The following CHCHD3 variants were observed in gnomAD, a reference collection of about 807,000 sequenced individuals.
CHCHD3 encodes MICOS complex subunit MIC19.
Under a neutral mutation model 38.2 loss-of-function variants are expected in CHCHD3, and 20 were observed. That is an observed-to-expected ratio of 0.52 (90% CI 0.37 to 0.76). The LOEUF is 0.76. Among genes scored for constraint, CHCHD3 ranks in the 30% least tolerant of loss-of-function variants. The probability of loss-of-function intolerance (pLI) is 0.00; values close to 1 mark genes in which losing one functional copy is unlikely to be tolerated. For synonymous variants in CHCHD3, 82 were observed against 100.0 expected (o/e 0.82, Z 1.07); for missense variants, 245 against 279.2 (o/e 0.88, Z 0.87).
At chr7:133,031,911 A>T (rs913739481) in intron 2 of CHCHD3, among the ~76,000 whole-genome samples, 4 of 152,214 alleles carry the variant, frequency 2.6e-5, no homozygotes, top group Non-Finnish European at 4.4e-5. Flanking sequence ...CATTAATCTT[A>T]TAATTTCAAT....
intron 3 of CHCHD3, among the ~76,000 whole-genome samples, chr7:133,018,177 T>C (rs959472028): frequency 6.6e-6 from 1 of 152,198 alleles, no homozygotes; most frequent in African/African-American, 2.4e-5. Flanking sequence ...ATCTCTTAAA[T>C]GTTGGAGTAT....
At chr7:133,072,825 CA>C (rs34614646) in intron 1 of CHCHD3, among the ~76,000 whole-genome samples, 218 of 122,984 alleles carry the variant, frequency 1.8e-3, no homozygotes, top group African/African-American at 3.7e-3. Flanking sequence ...GACTCCGTCT[CA>C]AAAAAAAAAA....
At chr7:133,046,756 G>C (rs941001204) in intron 2 of CHCHD3, among the ~76,000 whole-genome samples, 1 of 152,106 alleles carries the variant, frequency 6.6e-6, no homozygotes, top group South Asian at 2.1e-4. Flanking sequence ...GTAGAGACAG[G>C]GTTTCACCGT....
At chr7:132,858,228 G>A (rs982932439) in intron 5 of CHCHD3, among the ~76,000 whole-genome samples, 2 of 151,834 alleles carry the variant, frequency 1.3e-5, no homozygotes, top group African/African-American at 2.4e-5. Context: ...ACGCCTGGCT[G>A]ATTTTTGAAT....
At chr7:132,907,308 G>A (rs1351558319) in intron 4 of CHCHD3, among the ~76,000 whole-genome samples, 4 of 152,148 alleles carry the variant, frequency 2.6e-5, no homozygotes, top group African/African-American at 7.2e-5. Context: ...CAGATGCCAC[G>A]TTTTTCAGGA....
At chr7:132,860,310 G>A (rs1357854867) in intron 5 of CHCHD3, among the ~76,000 whole-genome samples, 3 of 94,034 alleles carry the variant, frequency 3.2e-5, no homozygotes, top group African/African-American at 1.5e-4. Flanking sequence ...GATAGAGAGA[G>A]AGAGAAAGAG....
chr7:133,070,296 T>C, intron 1 of CHCHD3, 67 bp from the exon 2 acceptor site: 4 of 1,319,742 alleles, frequency 3.0e-6, no homozygotes, highest in Non-Finnish European at 4.3e-6. Flanking sequence ...TGCAATAACA[T>C]CCAAGTAATT....
intron 6 of CHCHD3, among the ~76,000 whole-genome samples, chr7:132,798,725 T>C (rs1806686170): frequency 6.6e-6 from 1 of 152,072 alleles, no homozygotes; most frequent in African/African-American, 2.4e-5. Flanking sequence ...GGGAAAAGAC[T>C]GTAAAAATGA....
intron 6 of CHCHD3, among the ~76,000 whole-genome samples, chr7:132,807,792 CTT>C (rs1162767880): frequency 2.0e-5 from 3 of 151,446 alleles, no homozygotes; most frequent in Admixed American, 6.6e-5. Flanking sequence ...AGGAGATTGA[CTT>C]TTGCATATAA....
chr7:132,962,317 C>T (rs536832153), intron 4 of CHCHD3, among the ~76,000 whole-genome samples: 1 of 152,174 alleles, frequency 6.6e-6, no homozygotes, highest in South Asian at 2.1e-4. Context: ...TCAATTTATA[C>T]GTATATAGAA....
rs116313716 is a variant in CHCHD3, at chr7:132,952,231, G to A, written c.369+22938C>T. ...CCTTAATCCATTTTTCACATCGAGG[G>A]TTAAGCATTAGAATGGTGTATTTTA... On this transcript the variant is annotated intron_variant, in intron 4 of 7. Coordinates refer to ENST00000262570, the MANE Select transcript of CHCHD3 (RefSeq NM_017812.4). 7.4e-3 allele frequency among the ~76,000 whole-genome samples: 1,122 copies of A among 152,274 alleles called. 13 individuals carry two copies. The highest frequency in any genetic ancestry group is 0.026 in the African/African-American group (1,101 of 41,562).
At chr7:133,003,309 A>G (rs1465435857) in intron 3 of CHCHD3, among the ~76,000 whole-genome samples, 14 of 152,224 alleles carry the variant, frequency 9.2e-5, no homozygotes, top group Admixed American at 9.2e-4. Flanking sequence ...GTTGGCAAAC[A>G]TGCTCTTAAA....
chr7:133,075,476 C>G (rs1034157578), intron 1 of CHCHD3, among the ~76,000 whole-genome samples: 4 of 152,242 alleles, frequency 2.6e-5, no homozygotes, highest in African/African-American at 9.6e-5. Context: ...CTGCTCATAG[C>G]GACGTAGATA....
Position 132,975,383 on chromosome 7 carries a change from C to T in CHCHD3, c.252-97G>A, listed in dbSNP as rs184514525. On this transcript the variant is annotated intron_variant, in intron 3 of 7. Transcript: ENST00000262570. ...TAATTTAAAAATAGAAACACATAGC[C>T]AAAAAGGTCAACAGCTGAAATCATC... The T allele has an allele frequency of 3.9e-3, 3,962 of 1,004,314 alleles. 58 individuals carry two copies. The highest frequency in any genetic ancestry group is 0.036 in the South Asian group (2,322 of 64,478). The allele number at this position is 1,004,314 out of a possible 1,614,324, so 62.2% of individuals were successfully genotyped here.
rs571499328 is a variant in CHCHD3, at chr7:133,040,401, A to G, written c.170-15774T>C. ...TCTTCCCGCATGCAGTAAGCCATCAAGATTCCTCTGGGAGGGGTACCCTTC... is the reference window on the plus strand; with the variant it reads ...TCTTCCCGCATGCAGTAAGCCATCAGGATTCCTCTGGGAGGGGTACCCTTC... On this transcript the variant is annotated intron_variant, in intron 2 of 7. Transcript: ENST00000262570. Among the ~76,000 whole-genome samples, 5 of 152,280 alleles carry G rather than the reference A, an allele frequency of 3.3e-5. No individual in the cohort carries two copies. The South Asian group carries it at 8.3e-4, about 25-fold the overall frequency.
At chr7:132,999,027 A>C (rs1438902252) in intron 3 of CHCHD3, among the ~76,000 whole-genome samples, 2 of 152,080 alleles carry the variant, frequency 1.3e-5, no homozygotes, top group Non-Finnish European at 2.9e-5. Context: ...AAAATAAAAC[A>C]CTATTCATGC....
intron 1 of CHCHD3, among the ~76,000 whole-genome samples, chr7:133,079,933 T>C (rs772706958): frequency 3.9e-5 from 6 of 152,348 alleles, no homozygotes; most frequent in South Asian, 2.1e-4. Flanking sequence ...GGGCTAAGTA[T>C]GGCTACAAGA....
Position 132,804,114 on chromosome 7 carries a change from C to T in CHCHD3, c.525-7537G>A, listed in dbSNP as rs542447928. On this transcript the variant is annotated intron_variant, in intron 6 of 7. Transcript: ENST00000262570. ...CCAAGGGACAGGGCACCAGGCCTGG[C>T]AATCTACAAGGTTTTTCCAACAAAG... Among the ~76,000 whole-genome samples, 12 of 152,052 alleles carry T rather than the reference C, an allele frequency of 7.9e-5. No homozygotes were observed. The East Asian group carries it at 2.2e-3, about 27-fold the overall frequency.
intron 3 of CHCHD3, among the ~76,000 whole-genome samples, chr7:132,999,388 A>G (rs1474799466): frequency 3.3e-5 from 5 of 152,210 alleles, no homozygotes; most frequent in African/African-American, 4.8e-5. Context: ...TTGGTTAAGC[A>G]TTAACCAATA....
Sources: allele counts gnomAD v4.1 joint callset (sites outside exome capture counted in the v4.1 genomes callset), GRCh38; gene constraint gnomAD v4.1.1; transcripts MANE v1.5; gene names NCBI Gene and HGNC (gene_info 2026-07-23, HGNC 2026-07-21).